Variants in RIPK1 observed in about 807,000 individuals in gnomAD.
The protein encoded by RIPK1 is receptor-interacting serine/threonine-protein kinase 1.
In RIPK1, 27 loss-of-function variants were observed where a neutral mutation model predicts 62.4. That is an observed-to-expected ratio of 0.43 (90% CI 0.32 to 0.60). The LOEUF (loss-of-function observed/expected upper bound fraction) is 0.60, where lower values mean the gene tolerates loss of function less well. Ranked by LOEUF, RIPK1 falls within the 20% of genes least tolerant of loss-of-function variation. The probability of loss-of-function intolerance (pLI) is 0.07; values close to 1 mark genes in which losing one functional copy is unlikely to be tolerated. For missense variants in RIPK1, 735 were observed against 831.0 expected, an observed-to-expected ratio of 0.88 and a Z score of 1.42; for synonymous variants, 287 against 303.2, an observed-to-expected ratio of 0.95 and a Z score of 0.55.
chr6:3,072,917 G>A lies in RIPK1; in HGVS notation c.-60-3847G>A, dbSNP rs776305435. On this transcript the variant is annotated intron_variant, in intron 1 of 10. Coordinates refer to ENST00000259808, the MANE Select transcript of RIPK1 (RefSeq NM_001354930.2). The surrounding 1 kb of genome is among the most constrained non-coding windows in gnomAD (Gnocchi z 5.6). ...TCTTTTATGCCCTCTGTCTCCACCC[G>A]CTCCTACCTCATTCTCACTAGGATT... Among the ~76,000 whole-genome samples, 16 of 152,022 alleles carry A rather than the reference G, an allele frequency of 1.1e-4. No homozygotes were observed. Among genetic ancestry groups the A allele is most frequent in the Non-Finnish European group, 2.1e-4 (14 of 68,000 alleles).
At chr6:3,081,222 C>A in intron 4 of RIPK1, 106 bp downstream of exon 4, 1 of 1,271,972 alleles carries the variant, frequency 7.9e-7, no homozygotes, top group Non-Finnish European at 1.1e-6. Flanking sequence ...AGACCTAGCT[C>A]AGCTTATAAC....
chr6:3,106,099 G>C, intron 9 of RIPK1, 48 bp downstream of exon 9: 2 of 1,336,322 alleles, frequency 1.5e-6, no homozygotes, highest in Middle Eastern at 1.9e-4. Flanking sequence ...TTATTTTTCA[G>C]AAAATACAGC....
intron 8 of RIPK1, among the ~76,000 whole-genome samples, chr6:3,104,744 G>A (rs1760752073): frequency 6.6e-6 from 1 of 152,120 alleles, no homozygotes; most frequent in African/African-American, 2.4e-5. Flanking sequence ...CCTGATCTGT[G>A]GCTAATTACT....
intron 10 of RIPK1, 94 bp downstream of exon 10, chr6:3,111,049 T>A: frequency 1.1e-6 from 1 of 883,992 alleles, no homozygotes. Context: ...CTCTGATAAT[T>A]CTTCTTGAAA....
chr6:3,103,379 C>A (rs1329102985), intron 7 of RIPK1, among the ~76,000 whole-genome samples: 1 of 151,752 alleles, frequency 6.6e-6, no homozygotes, highest in Non-Finnish European at 1.5e-5. Context: ...TGGTTCACTG[C>A]AACCTCTGCC....
At chr6:3,087,753 A>C (rs1051506186) in intron 6 of RIPK1, among the ~76,000 whole-genome samples, 8 of 150,532 alleles carry the variant, frequency 5.3e-5, no homozygotes, top group South Asian at 2.1e-4. Context: ...GTTAGCCAGG[A>C]TGGTCTCCAT....
upstream of RIPK1, chr6:3,068,375 C>A: frequency 1.0e-6 from 1 of 985,460 alleles, no homozygotes; most frequent in Non-Finnish European, 1.2e-6. Flanking sequence ...GATCCTCTAG[C>A]CCGCAAGAGA....
Position 3,080,822 on chromosome 6 carries a change from C to T in RIPK1, c.322-157C>T, listed in dbSNP as rs539810750. ...CTGCCCCCCCCCGAATGAAATCTTT[C>T]TTGTTTCCCAGTGACAGCAGTACTG... On this transcript the variant is annotated intron_variant, in intron 3 of 10. Coordinates refer to ENST00000259808, the MANE Select transcript of RIPK1 (RefSeq NM_001354930.2). Among the ~76,000 whole-genome samples the T allele has an allele frequency of 2.4e-4, 36 of 148,182 alleles. No homozygotes were observed. In the South Asian group the frequency reaches 7.4e-3, roughly 31 times the overall value.
chr6:3,106,173 G>A, intron 9 of RIPK1, 122 bp downstream of exon 9: 3 of 742,660 alleles, frequency 4.0e-6, no homozygotes, highest in Non-Finnish European at 4.3e-6. Flanking sequence ...TCAGCTGCCA[G>A]ATGCAAATTG....
At chr6:3,102,198 A>G (rs1304152575) in intron 7 of RIPK1, among the ~76,000 whole-genome samples, 2 of 152,202 alleles carry the variant, frequency 1.3e-5, no homozygotes, top group Non-Finnish European at 2.9e-5. Flanking sequence ...AAAATTCAAA[A>G]TCCTCCAAAA....
chr6:3,099,005 T>C (rs1309034595), intron 7 of RIPK1, among the ~76,000 whole-genome samples: 2 of 152,218 alleles, frequency 1.3e-5, no homozygotes, highest in African/African-American at 4.8e-5. Flanking sequence ...GTTTGTTCAC[T>C]CAGCTCCTTG....
intron 4 of RIPK1, among the ~76,000 whole-genome samples, chr6:3,081,385 G>GT (rs1269858964): frequency 1.3e-5 from 2 of 152,122 alleles, no homozygotes; most frequent in African/African-American, 4.8e-5. Flanking sequence ...CCTAGACTGT[G>GT]TTTTTTCCTC....
rs55825909 is a variant in RIPK1 at position 3,079,313 on chromosome 6, C to T, written c.321+1378C>T. ...CAGGCTGGTCTCGAACTCCTGACCT[C>T]GTGATCCGACTGCCTTGGCCTCCCG... On this transcript the variant is annotated intron_variant, in intron 3 of 10. Transcript: ENST00000259808. Among the ~76,000 whole-genome samples, 368 of 152,186 alleles carry T rather than the reference C, an allele frequency of 2.4e-3. 2 individuals carry two copies. Among genetic ancestry groups the T allele is most frequent in the Non-Finnish European group, 3.6e-3 (244 of 68,012 alleles).
chr6:3,108,645 G>A (rs1048088550), intron 9 of RIPK1, among the ~76,000 whole-genome samples: 34 of 152,178 alleles, frequency 2.2e-4, no homozygotes, highest in African/African-American at 7.5e-4. Flanking sequence ...GGTAGCTGCT[G>A]TTATTAGCAC....
At chr6:3,089,782 C>T (rs1053651964) in intron 7 of RIPK1, 125 bp downstream of exon 7, 1 of 635,950 alleles carries the variant, frequency 1.6e-6, no homozygotes, top group African/African-American at 1.8e-5. Flanking sequence ...ACATATAAAA[C>T]AAAATGAGCA....
chr6:3,112,171 A>G (rs907382785), intron 10 of RIPK1, among the ~76,000 whole-genome samples: 23 of 152,296 alleles, frequency 1.5e-4, no homozygotes, highest in Non-Finnish European at 1.6e-4. Flanking sequence ...GTTAGGGTCC[A>G]AAAACAGACC....
At chr6:3,080,242 CTT>C (rs559806627) in intron 3 of RIPK1, among the ~76,000 whole-genome samples, 124 of 152,250 alleles carry the variant, frequency 8.1e-4, no homozygotes, top group Middle Eastern at 3.4e-3. Context: ...TAGGAAACAT[CTT>C]GTTTGTATAC....
At position 3,106,061 on chromosome 6, in the gene RIPK1, T is replaced by A. The variant is rs770578362; in HGVS notation, c.1576+10T>A. The A allele has an allele frequency of 6.5e-7, 1 of 1,549,004 alleles. No homozygotes were observed. The highest frequency in any genetic ancestry group is 8.8e-7 in the Non-Finnish European group (1 of 1,132,560). Reference sequence around the variant, plus strand: ...TCCTTGCCACCAACAGGTAAATGGGTCTTCGATAGTCACAAGCTTGTCTTT... The same window carrying A: ...TCCTTGCCACCAACAGGTAAATGGGACTTCGATAGTCACAAGCTTGTCTTT... On this transcript the variant is annotated intron_variant, in intron 9 of 10. Transcript: ENST00000259808.
intron 8 of RIPK1, among the ~76,000 whole-genome samples, chr6:3,104,999 G>A (rs761280050): frequency 6.6e-6 from 1 of 152,052 alleles, no homozygotes; most frequent in Non-Finnish European, 1.5e-5. Flanking sequence ...TTACAGGCAT[G>A]CACCACCATG....
Sources: allele counts gnomAD v4.1 joint callset (sites outside exome capture counted in the v4.1 genomes callset), GRCh38; gene constraint gnomAD v4.1.1; non-coding constraint Gnocchi (gnomAD v3.1); transcripts MANE v1.5; gene names NCBI Gene and HGNC (gene_info 2026-07-23, HGNC 2026-07-21).